Variants in TERT observed in about 807,000 individuals in gnomAD.
The protein encoded by TERT is telomerase catalytic subunit.
A neutral mutation model predicts 104.0 loss-of-function variants in TERT; 42 were observed. The observed-to-expected ratio is 0.40, with a 90% CI of 0.32 to 0.52. The LOEUF (loss-of-function observed/expected upper bound fraction) is 0.52. Ranked by LOEUF, TERT falls within the 20% of genes least tolerant of loss-of-function variation. TERT has a pLI of 0.43. For synonymous variants in TERT, 781 were observed against 725.6 expected, an observed-to-expected ratio of 1.08 and a Z score of -1.23; for missense variants, 1,101 against 1,610.3, an observed-to-expected ratio of 0.68 and a Z score of 5.41.
Position 1,264,213 on chromosome 5 carries a change from G to A in TERT, c.2843+191C>T, listed in dbSNP as rs1748428766. 3.0e-5 allele frequency: 19 copies of A among 628,018 alleles called. No homozygotes were observed. In the South Asian group the frequency reaches 3.2e-4, roughly 11 times the overall value. The allele number at this position is 628,018 out of a possible 1,614,324, so 38.9% of individuals were successfully genotyped here. On this transcript the variant is annotated intron_variant, in intron 11 of 15. Coordinates refer to ENST00000310581, the MANE Select transcript of TERT (RefSeq NM_198253.3). ...TAGCACAGAAAACTGCTCCCGTTGTGAGCACCCTCACTCCCACAGAAAGAT... is the reference window on the plus strand; with the variant it reads ...TAGCACAGAAAACTGCTCCCGTTGTAAGCACCCTCACTCCCACAGAAAGAT...
rs532021011 is a variant in TERT, at chr5:1,269,653, C to T, written c.2469-1020G>A. 6.6e-6 allele frequency among the ~76,000 whole-genome samples: 1 copy of T among 152,110 alleles called. No homozygotes were observed. Among genetic ancestry groups the T allele is most frequent in the African/African-American group, 2.4e-5 (1 of 41,502 alleles). Reference sequence around the variant, plus strand: ...AAGAAAAGAAAAGAGGCTTTCCTTGCTGGTGCAGATATCACAGTGATGGGC... The same window carrying T: ...AAGAAAAGAAAAGAGGCTTTCCTTGTTGGTGCAGATATCACAGTGATGGGC... On this transcript the variant is annotated intron_variant, in intron 8 of 15. Transcript: ENST00000310581. The surrounding 1 kb of genome is among the most constrained non-coding windows in gnomAD (Gnocchi z 9.0).
intron 14 of TERT, among the ~76,000 whole-genome samples, chr5:1,254,957 C>T (rs1747610744): frequency 6.6e-6 from 1 of 152,184 alleles, no homozygotes; most frequent in South Asian, 2.1e-4. Flanking sequence ...GGACGGGAGA[C>T]AGCCCAATCC....
chr5:1,260,652 CCCTCCTGCAAAGCTTGCTCCAAAGAG>C (rs1748168343), intron 11 of TERT, 52 bp from the exon 12 acceptor site: 1 of 1,609,412 alleles, frequency 6.2e-7, no homozygotes, highest in East Asian at 2.2e-5. Context: ...ACACCCAGCC[CCCTCCTGCAAAGCTTGCTCCAAAGAG>C]CCTCCTGCCT....
chr5:1,268,621 C>G lies in TERT; in HGVS notation c.2481G>C (p.Gln827His). The G allele has an allele frequency of 6.2e-7, 1 of 1,612,662 alleles. No individual in the cohort carries two copies. The highest frequency in any genetic ancestry group is 8.5e-7 in the Non-Finnish European group (1 of 1,179,478). The change falls in exon 9 of 16, where the codon CAG (glutamine) becomes CAC (histidine). Residue 827 changes from glutamine to histidine, a missense_variant. Transcript: ENST00000310581. The surrounding 1 kb of genome is among the most constrained non-coding windows in gnomAD (Gnocchi z 5.5). The part of the protein sequence containing the change: ...AVRIRGKSYV[Q>H]CQGIPQGSIL... Reference sequence around the variant, plus strand: ...TGGAGCCCTGCGGGATCCCCTGGCACTGGACGTAGGACCTGGGGCGGGAAG... The same window carrying G: ...TGGAGCCCTGCGGGATCCCCTGGCAGTGGACGTAGGACCTGGGGCGGGAAG...
At chr5:1,281,322 C>T (rs1219363532) in intron 3 of TERT, among the ~76,000 whole-genome samples, 1 of 152,184 alleles carries the variant, frequency 6.6e-6, no homozygotes, top group African/African-American at 2.4e-5. Flanking sequence ...AGCCCAGAGG[C>T]TGTGTTACCT....
At position 1,288,489 on chromosome 5, in the gene TERT, C is replaced by G. The variant is rs1476972629; in HGVS notation, c.1573+4824G>C. On this transcript the variant is annotated intron_variant, in intron 2 of 15. Transcript: ENST00000310581. This position sits in a 1 kb window ranked among gnomAD's most constrained non-coding sequence, Gnocchi z 5.3. ...AGAGCAGGAGACAGACAGAGACACT[C>G]CAACCTGTGGCTGGACGTCAATCCA... Among the ~76,000 whole-genome samples, 1 of 152,190 alleles carries G rather than the reference C, an allele frequency of 6.6e-6. No individual in the cohort carries two copies. The highest frequency in any genetic ancestry group is 1.5e-5 in the Non-Finnish European group (1 of 68,034).
rs781140261 is a variant in TERT at position 1,282,484 on chromosome 5, T to G, written c.1714A>C (p.Arg572=). The change falls in exon 3 of 16, where the codon AGG becomes CGG. Residue 572 remains arginine (R), a synonymous_variant. Coordinates refer to ENST00000310581, the MANE Select transcript of TERT (RefSeq NM_198253.3). ...ACACTCTTCCGGTAGAAAAAGAGCC[T>G]GTTCTTTTGAAACGTGGTCTCCGTG... ...YVTETTFQKN[R]LFFYRKSVWS... is the part of the protein sequence containing the mutation. 6.2e-7 allele frequency: 1 copy of G among 1,614,172 alleles called. No individual in the cohort carries two copies. The highest frequency in any genetic ancestry group is 1.7e-5 in the Admixed American group (1 of 60,028).
rs114278598 is a variant in TERT at position 1,253,900 on chromosome 5, G to A, written c.3296-69C>T. 1,494 of 1,513,648 alleles carry A rather than the reference G, an allele frequency of 9.9e-4. 8 individuals carry two copies. The African/African-American group carries it at 0.018, about 18-fold the overall frequency. The allele number at this position is 1,513,648 out of a possible 1,614,324, so 93.8% of individuals were successfully genotyped here. On this transcript the variant is annotated intron_variant, in intron 15 of 15. Coordinates refer to ENST00000310581, the MANE Select transcript of TERT (RefSeq NM_198253.3). ...TGGCATCCTCCAACCCTCCTAGGACGTGTGGGTGGCCGGGCAGGCAGGGCC... is the reference window on the plus strand; with the variant it reads ...TGGCATCCTCCAACCCTCCTAGGACATGTGGGTGGCCGGGCAGGCAGGGCC...
At chr5:1,276,726 C>T (rs1749624803) in intron 6 of TERT, among the ~76,000 whole-genome samples, 1 of 152,058 alleles carries the variant, frequency 6.6e-6, no homozygotes, top group African/African-American at 2.4e-5. Context: ...GGTTTGCAAG[C>T]TGACACAGTA....
At chr5:1,277,613 G>GT (rs1005220371) in intron 6 of TERT, among the ~76,000 whole-genome samples, 2 of 146,958 alleles carry the variant, frequency 1.4e-5, no homozygotes, top group Non-Finnish European at 3.0e-5. Flanking sequence ...TGTGGGGGGG[G>GT]GTCTCCTGGG....
Position 1,294,226 on chromosome 5 carries a change from ACC to A in TERT, c.658_659del (p.Gly220CysfsTer25), listed in dbSNP as rs771404882. 3 of 1,585,810 alleles carry A rather than the reference ACC, an allele frequency of 1.9e-6. No homozygotes were observed. The highest frequency in any genetic ancestry group is 2.6e-6 in the Non-Finnish European group (3 of 1,171,976). ...AGVPLGLPAPGARRRGGSASR... is the reference protein window; with the variant it reads ...AGVPLGLPAPXARRRGGSASR... ...TGGCACTGCCCCCGCGCCTCCTCGCACCCGGGGCTGGCAGGCCCAGGGGGACC... is the reference window on the plus strand; with the variant it reads ...TGGCACTGCCCCCGCGCCTCCTCGCACGGGGCTGGCAGGCCCAGGGGGACC... On this transcript the variant is annotated frameshift_variant, in exon 2 of 16. Coordinates refer to ENST00000310581, the MANE Select transcript of TERT (RefSeq NM_198253.3). LOFTEE classifies it high-confidence loss of function.
Position 1,261,875 on chromosome 5 carries a change from C to A in TERT, c.2844-1275G>T, listed in dbSNP as rs1054699024. Among the ~76,000 whole-genome samples, 22 of 152,210 alleles carry A rather than the reference C, an allele frequency of 1.4e-4. No individual in the cohort carries two copies. Among genetic ancestry groups the A allele is most frequent in the African/African-American group, 5.3e-4 (22 of 41,456 alleles). ...CCAGCTGGGTGACCAAGGGCGGCTG[C>A]TCCCCTGGAGCCTTTCCTCCTCTAC... On this transcript the variant is annotated intron_variant, in intron 11 of 15. Coordinates refer to ENST00000310581, the MANE Select transcript of TERT (RefSeq NM_198253.3). This position sits in a 1 kb window ranked among gnomAD's most constrained non-coding sequence, Gnocchi z 7.4.
In TERT at chr5:1,256,947, G is replaced by A. The variant is rs1171402418; in HGVS notation, c.3033-1536C>T. Among the ~76,000 whole-genome samples the A allele has an allele frequency of 3.3e-5, 5 of 152,090 alleles. No individual in the cohort carries two copies. Among genetic ancestry groups the A allele is most frequent in the East Asian group, 1.9e-4 (1 of 5,154 alleles). Reference sequence around the variant, plus strand: ...ATTTGAATCAGACCCCGCCCCCAGCGCCACGTGGACCACCACAGCCTCGCC... The same window carrying A: ...ATTTGAATCAGACCCCGCCCCCAGCACCACGTGGACCACCACAGCCTCGCC... On this transcript the variant is annotated intron_variant, in intron 13 of 15. Transcript: ENST00000310581. This position sits in a 1 kb window ranked among gnomAD's most constrained non-coding sequence, Gnocchi z 7.0.
intron 6 of TERT, among the ~76,000 whole-genome samples, chr5:1,272,514 T>A (rs1016273541): frequency 7.5e-5 from 11 of 145,912 alleles, no homozygotes; most frequent in Admixed American, 1.3e-4. Context: ...ATCAGACCCC[T>A]GTGACCGATC....
chr5:1,280,226 C>T lies in TERT; in HGVS notation c.1882G>A (p.Asp628Asn), dbSNP rs1354825725. ...TSRLRFIPKPDGLRPIVNMDY... is the reference protein window; with the variant it reads ...TSRLRFIPKPNGLRPIVNMDY... ...ATGTTCACAATCGGCCGCAGCCCGT[C>T]AGGCTTGGGGATGAAGCGGAGTCTG... is the stretch of plus-strand genomic sequence containing the variant. The change falls in exon 4 of 16, where the codon GAC becomes AAC. Residue 628 changes from aspartate (D) to asparagine (N), a missense_variant. By Grantham distance (23) the Asp-to-Asn change is conservative (BLOSUM62 1). Around this residue, in one of 5 missense-constraint regions of TERT, gnomAD observed 463 missense variants for 797.5 expected, o/e 0.58. Coordinates refer to ENST00000310581, the MANE Select transcript of TERT (RefSeq NM_198253.3). The T allele has an allele frequency of 1.2e-6, 2 of 1,613,996 alleles. No individual in the cohort carries two copies. The highest frequency in any genetic ancestry group is 1.7e-6 in the Non-Finnish European group (2 of 1,180,050).
Position 1,257,099 on chromosome 5 carries a change from C to T in TERT, c.3032+1499G>A, listed in dbSNP as rs1184954930. On this transcript the variant is annotated intron_variant, in intron 13 of 15. Coordinates refer to ENST00000310581, the MANE Select transcript of TERT (RefSeq NM_198253.3). This position sits in a 1 kb window ranked among gnomAD's most constrained non-coding sequence, Gnocchi z 5.6. ...TGTTTGGAAACGGCCCGTGGCCCAT[C>T]GCATCTCGGCCTCCTCAGGGCTACC... Among the ~76,000 whole-genome samples, 1 of 152,158 alleles carries T rather than the reference C, an allele frequency of 6.6e-6. No homozygotes were observed. The highest frequency in any genetic ancestry group is 1.5e-5 in the Non-Finnish European group (1 of 68,018).
In TERT at chr5:1,278,761, C is replaced by G. The variant is rs1160828616; in HGVS notation, c.2166G>C (p.Gln722His). Residue 722 changes from glutamine (Q) to histidine (H), a missense_variant, in exon 6 of 16, where the codon CAG becomes CAC. Around this residue, in one of 5 missense-constraint regions of TERT, gnomAD observed 463 missense variants for 797.5 expected, o/e 0.58. Transcript: ENST00000310581. Reference protein sequence around the residue: ...DVTGAYDTIPQDRLTEVIASI... With the variant: ...DVTGAYDTIPHDRLTEVIASI... ...TGGCGATGACCTCCGTGAGCCTGTC[C>G]TGGGGGATGGTGTCGTACGCGCCCG... 1.2e-6 allele frequency: 2 copies of G among 1,614,050 alleles called. No homozygotes were observed. The highest frequency in any genetic ancestry group is 1.7e-6 in the Non-Finnish European group (2 of 1,180,056).
chr5:1,271,031 T>G, intron 8 of TERT, 88 bp downstream of exon 8: 2 of 1,086,078 alleles, frequency 1.8e-6, no homozygotes, highest in East Asian at 2.5e-5. Flanking sequence ...AGAAGGGCAG[T>G]GGGGAAGGGG....
chr5:1,269,970 C>G lies in TERT; in HGVS notation c.2468+1149G>C, dbSNP rs751390577. ...AGTCATCACCTCACATTCCCCAAAGCCCTGCCACACGTGGACGGTACGTGA... is the reference window on the plus strand; with the variant it reads ...AGTCATCACCTCACATTCCCCAAAGGCCTGCCACACGTGGACGGTACGTGA... On this transcript the variant is annotated intron_variant, in intron 8 of 15. Transcript: ENST00000310581. This position sits in a 1 kb window ranked among gnomAD's most constrained non-coding sequence, Gnocchi z 9.0. Among the ~76,000 whole-genome samples the G allele has an allele frequency of 2.5e-4, 38 of 152,174 alleles. No homozygotes were observed. Among genetic ancestry groups the G allele is most frequent in the Non-Finnish European group, 4.9e-4 (33 of 68,038 alleles).
Sources: allele counts gnomAD v4.1 joint callset (sites outside exome capture counted in the v4.1 genomes callset), GRCh38; gene constraint gnomAD v4.1.1; regional missense constraint gnomAD v4.1.1; non-coding constraint Gnocchi (gnomAD v3.1); transcripts MANE v1.5; gene names NCBI Gene and HGNC (gene_info 2026-07-23, HGNC 2026-07-21).